The following MTUS2 variants were observed in gnomAD, a reference collection of about 807,000 sequenced individuals.
MTUS2 encodes the protein microtubule associated scaffold protein 2.
MTUS2 carries 40 observed loss-of-function variants against 114.1 expected under a neutral mutation model. The observed-to-expected ratio is 0.35, with a 90% CI of 0.27 to 0.46. MTUS2 has a LOEUF of 0.46. MTUS2 is among the 20% of genes least tolerant of loss of function. The probability of loss-of-function intolerance (pLI) is 1.00; values close to 1 mark genes in which losing one functional copy is unlikely to be tolerated. For missense variants in MTUS2, 1,679 were observed against 1,705.4 expected, an observed-to-expected ratio of 0.98 and a Z score of 0.27; for synonymous variants, 688 against 672.0, an observed-to-expected ratio of 1.02 and a Z score of -0.37.
chr13:29,387,962 A>G (rs539498138), intron 8 of MTUS2, among the ~76,000 whole-genome samples: 5 of 152,244 alleles, frequency 3.3e-5, no homozygotes, highest in African/African-American at 1.2e-4. Flanking sequence ...CATATACACA[A>G]TTGGGCCATC....
intron 6 of MTUS2, 132 bp from the exon 7 acceptor site, chr13:29,324,481 A>G: frequency 1.5e-6 from 1 of 651,284 alleles, no homozygotes; most frequent in Admixed American, 2.6e-5. Context: ...TGACCATAGC[A>G]ACAAATCACC....
At chr13:29,318,441 T>C (rs1261592498) in intron 6 of MTUS2, among the ~76,000 whole-genome samples, 2 of 148,908 alleles carry the variant, frequency 1.3e-5, no homozygotes, top group Non-Finnish European at 3.0e-5. Context: ...CCGTTATTCT[T>C]GTTTATGTTC....
At chr13:29,339,106 A>G (rs1439988325) in intron 7 of MTUS2, among the ~76,000 whole-genome samples, 6 of 152,106 alleles carry the variant, frequency 3.9e-5, no homozygotes, top group Admixed American at 6.6e-5. Context: ...GCAGAGGTAC[A>G]TGGTCCTCCC....
chr13:29,167,346 G>C (rs1893358867), intron 5 of MTUS2, among the ~76,000 whole-genome samples: 1 of 151,348 alleles, frequency 6.6e-6, no homozygotes, highest in Non-Finnish European at 1.5e-5. Context: ...CTGCACTCCA[G>C]CCTGGGCGAC....
intron 2 of MTUS2, among the ~76,000 whole-genome samples, chr13:29,021,554 A>G (rs983902055): frequency 3.9e-5 from 6 of 152,144 alleles, no homozygotes; most frequent in African/African-American, 9.7e-5. Context: ...AGCTTCAACA[A>G]TTCAAACCGA....
intron 2 of MTUS2, among the ~76,000 whole-genome samples, chr13:28,907,710 A>T (rs1220075232): frequency 1.3e-5 from 2 of 151,674 alleles, no homozygotes; most frequent in Non-Finnish European, 2.9e-5. Context: ...TAACTATCCT[A>T]AATATATATG....
intron 2 of MTUS2, among the ~76,000 whole-genome samples, chr13:29,000,370 CT>C (rs982093342): frequency 1.3e-5 from 2 of 151,096 alleles, no homozygotes; most frequent in African/African-American, 4.9e-5. Flanking sequence ...CCTTTTTTTT[CT>C]TTTTTATTGA....
chr13:29,387,402 G>C (rs1872698696), intron 8 of MTUS2, among the ~76,000 whole-genome samples: 1 of 152,168 alleles, frequency 6.6e-6, no homozygotes, highest in Non-Finnish European at 1.5e-5. Flanking sequence ...ATGGAGAAGA[G>C]ACTATCAGGC....
intron 2 of MTUS2, among the ~76,000 whole-genome samples, chr13:28,841,727 C>T (rs560142527): frequency 4.6e-5 from 7 of 151,692 alleles, no homozygotes; most frequent in Admixed American, 2.0e-4. Context: ...CACTCTGTCG[C>T]CCAGGTTGGA....
At chr13:29,354,191 A>G (rs376192811) in intron 7 of MTUS2, among the ~76,000 whole-genome samples, 11 of 150,662 alleles carry the variant, frequency 7.3e-5, no homozygotes, top group Middle Eastern at 3.5e-3. Flanking sequence ...CTGTGCTTCA[A>G]TATCTATAGT....
chr13:29,130,954 A>G (rs948692416), intron 5 of MTUS2, among the ~76,000 whole-genome samples: 46 of 152,210 alleles, frequency 3.0e-4, no homozygotes, highest in African/African-American at 1.1e-3. Flanking sequence ...GATATTGATT[A>G]TCATTCATCT....
At chr13:29,358,973 C>CAATT (rs1869994756) in intron 7 of MTUS2, among the ~76,000 whole-genome samples, 1 of 88,278 alleles carries the variant, frequency 1.1e-5, no homozygotes, top group African/African-American at 3.3e-5. Context: ...AAAAAAAAAG[C>CAATT]TTCTCTCTCT....
At chr13:28,993,937 A>T (rs1165185387) in intron 2 of MTUS2, among the ~76,000 whole-genome samples, 1 of 151,902 alleles carries the variant, frequency 6.6e-6, no homozygotes, top group Non-Finnish European at 1.5e-5. Context: ...GTTTTAGGGT[A>T]CATGTGCACA....
chr13:29,301,424 T>TAAA (rs1292112693), intron 6 of MTUS2, among the ~76,000 whole-genome samples: 1 of 152,216 alleles, frequency 6.6e-6, no homozygotes, highest in Non-Finnish European at 1.5e-5. Context: ...GACTCTTTTT[T>TAAA]AAAGAGTGGT....
At chr13:28,827,516 G>A (rs886081984) in intron 1 of MTUS2, among the ~76,000 whole-genome samples, 13 of 152,166 alleles carry the variant, frequency 8.5e-5, no homozygotes, top group African/African-American at 1.2e-4. Context: ...ATAAATGTGA[G>A]TTAGCATTAA....
chr13:29,242,315 A>G (rs1243319534), intron 5 of MTUS2, among the ~76,000 whole-genome samples: 1 of 152,196 alleles, frequency 6.6e-6, no homozygotes, highest in African/African-American at 2.4e-5. Flanking sequence ...TCTAAATGGA[A>G]CCATGCAATA....
At chr13:29,427,587 C>T (rs1038924634) in intron 8 of MTUS2, among the ~76,000 whole-genome samples, 1 of 152,148 alleles carries the variant, frequency 6.6e-6, no homozygotes, top group East Asian at 1.9e-4. Flanking sequence ...GAAAGGTTTC[C>T]GTTTATTCTT....
chr13:29,253,533 C>A lies in MTUS2; in HGVS notation c.2645-28171C>A, dbSNP rs558147176. On this transcript the variant is annotated intron_variant, in intron 5 of 15. Coordinates refer to ENST00000612955, the MANE Select transcript of MTUS2 (RefSeq NM_001033602.4). Reference sequence around the variant, plus strand: ...TCTCAATTTTCCACCTCCAGCCCAGCGTCTGTCCTGAGCTCTTTTATTTAT... The same window carrying A: ...TCTCAATTTTCCACCTCCAGCCCAGAGTCTGTCCTGAGCTCTTTTATTTAT... Among the ~76,000 whole-genome samples the A allele has an allele frequency of 2.9e-4, 44 of 152,274 alleles. No individual in the cohort carries two copies. The South Asian group carries it at 8.9e-3, about 31-fold the overall frequency.
At chr13:29,457,283 A>T (rs1274200487) in intron 9 of MTUS2, among the ~76,000 whole-genome samples, 1 of 152,094 alleles carries the variant, frequency 6.6e-6, no homozygotes, top group Non-Finnish European at 1.5e-5. Context: ...TTGCACCAGA[A>T]AGTTCCCTCA....
Sources: gnomAD v4.1 joint callset for allele counts (sites outside exome capture counted in the v4.1 genomes callset) on GRCh38, gnomAD v4.1.1 for gene constraint, MANE v1.5 for transcripts, NCBI Gene and HGNC (gene_info 2026-07-23, HGNC 2026-07-21) for gene names.